The following VPS13A variants were observed in gnomAD, a reference collection of about 807,000 sequenced individuals.
VPS13A encodes intermembrane lipid transfer protein VPS13A.
Under a neutral mutation model 390.9 loss-of-function variants are expected in VPS13A, and 264 were observed. That is an observed-to-expected ratio of 0.68 (90% CI 0.61 to 0.75). The LOEUF is 0.75. Ranked by LOEUF, VPS13A falls within the 30% of genes least tolerant of loss-of-function variation. VPS13A has a pLI of 0.00. For synonymous variants in VPS13A, 1,231 were observed against 1,227.1 expected (o/e 1.00, Z -0.07); for missense variants, 3,409 against 3,733.9 (o/e 0.91, Z 2.27).
At chr9:77,275,368 C>A in intron 24 of VPS13A, 130 bp from the exon 25 acceptor site, 2 of 863,656 alleles carry the variant, frequency 2.3e-6, no homozygotes, top group South Asian at 1.6e-5. Context: ...CTGTTTATTT[C>A]GGTTCTCATG....
chr9:77,405,973 C>A lies in VPS13A; in HGVS notation c.9385C>A (p.Arg3129Ser). 1 of 1,613,642 alleles carries A rather than the reference C, an allele frequency of 6.2e-7. No individual in the cohort carries two copies. The highest frequency in any genetic ancestry group is 8.5e-7 in the Non-Finnish European group (1 of 1,179,924). The part of the protein sequence containing the change: ...EPFIVHGRRL[R>S]IEAKERVKSV... ...ATTCATTGTTCATGGGAGAAGATTG[C>A]GCATTGAAGCAAAGGTATGTTGAAT... The change falls in exon 70 of 72, where the codon CGC (arginine) becomes AGC (serine). Residue 3129 changes from arginine to serine, a missense_variant. Coordinates refer to ENST00000360280, the MANE Select transcript of VPS13A (RefSeq NM_033305.3).
At chr9:77,362,639 G>T (rs992951136) in intron 59 of VPS13A, among the ~76,000 whole-genome samples, 13 of 152,128 alleles carry the variant, frequency 8.5e-5, no homozygotes, top group African/African-American at 3.1e-4. Flanking sequence ...CAACTTGTCA[G>T]GTTCTTCAAA....
intron 23 of VPS13A, 135 bp from the exon 24 acceptor site, chr9:77,273,145 C>T: frequency 6.0e-6 from 4 of 666,442 alleles, no homozygotes; most frequent in South Asian, 4.1e-5. Context: ...TAATTTAAAC[C>T]TGATTATCTT....
chr9:77,359,142 TATAG>T (rs1380967276), intron 57 of VPS13A, among the ~76,000 whole-genome samples, 187 bp from the exon 58 acceptor site: 4 of 152,244 alleles, frequency 2.6e-5, no homozygotes, highest in Non-Finnish European at 5.9e-5. Flanking sequence ...TCAGAGTAAC[TATAG>T]ATAGTTTTAA....
intron 67 of VPS13A, among the ~76,000 whole-genome samples, chr9:77,374,505 G>A (rs147384552): frequency 5.3e-4 from 80 of 152,222 alleles, no homozygotes; most frequent in African/African-American, 1.9e-3. Flanking sequence ...GGACAAAGCA[G>A]GGTGGCAAGA....
At chr9:77,414,621 G>A (rs374450033) in intron 71 of VPS13A, among the ~76,000 whole-genome samples, 2 of 151,974 alleles carry the variant, frequency 1.3e-5, no homozygotes, top group Admixed American at 6.6e-5. Flanking sequence ...GATAGCATTA[G>A]GAGATATACC....
chr9:77,384,598 A>G (rs1563980912), intron 68 of VPS13A: 1 of 1,611,400 alleles, frequency 6.2e-7, no homozygotes, highest in Non-Finnish European at 8.5e-7. Flanking sequence ...ATTCAATTCT[A>G]CAGGGAGTGG....
chr9:77,186,921 G>A (rs1247395413), intron 1 of VPS13A, among the ~76,000 whole-genome samples: 4 of 152,014 alleles, frequency 2.6e-5, no homozygotes, highest in South Asian at 2.1e-4. Flanking sequence ...CCCAGTAACC[G>A]TTATTCTACT....
intron 61 of VPS13A, 62 bp from the exon 62 acceptor site, chr9:77,367,990 CATT>C: frequency 4.4e-6 from 6 of 1,353,368 alleles, no homozygotes; most frequent in Non-Finnish European, 5.2e-6. Context: ...TAAAGCCACT[CATT>C]AATATTAAAA....
rs765517258 is a variant in VPS13A, at chr9:77,339,493, T to G, written c.6379-23T>G. On this transcript the variant is annotated intron_variant, in intron 47 of 71. Coordinates refer to ENST00000360280, the MANE Select transcript of VPS13A (RefSeq NM_033305.3). Reference sequence around the variant, plus strand: ...TTCTGCAACATTTTAAATTTTGTTTTGTTTTTTTTTTTTTTATTACAGGGA... The same window carrying G: ...TTCTGCAACATTTTAAATTTTGTTTGGTTTTTTTTTTTTTTATTACAGGGA... The G allele has an allele frequency of 2.1e-5, 27 of 1,266,948 alleles. No homozygotes were observed. In the South Asian group the frequency reaches 3.2e-4, roughly 15 times the overall value. The allele number at this position is 1,266,948 out of a possible 1,614,324, so 78.5% of individuals were successfully genotyped here. A position where few individuals can be genotyped will look rare whatever the true frequency, so the allele number is the denominator to read the frequency against.
At chr9:77,308,534 G>A (rs984735576) in intron 35 of VPS13A, among the ~76,000 whole-genome samples, 1 of 152,102 alleles carries the variant, frequency 6.6e-6, no homozygotes, top group Admixed American at 6.6e-5. Flanking sequence ...TATTAGAGGT[G>A]CAAAGAGAGG....
At chr9:77,313,606 T>C (rs1485510718) in intron 35 of VPS13A, among the ~76,000 whole-genome samples, 4 of 152,228 alleles carry the variant, frequency 2.6e-5, no homozygotes, top group Non-Finnish European at 5.9e-5. Context: ...AAAATGTCTC[T>C]TGGTTTTAGT....
rs1833457768 is a variant in VPS13A, at chr9:77,381,894, TG to T, written c.9078-81del. 21 of 861,512 alleles carry T rather than the reference TG, an allele frequency of 2.4e-5. No homozygotes were observed. The South Asian group carries it at 3.3e-4, about 14-fold the overall frequency. The allele number at this position is 861,512 out of a possible 1,614,324, so 53.4% of individuals were successfully genotyped here. On this transcript the variant is annotated intron_variant, in intron 67 of 71. Coordinates refer to ENST00000360280, the MANE Select transcript of VPS13A (RefSeq NM_033305.3). ...TAATATTTTTAATCTGAAATAAGAT[TG>T]TTTTTAGTAATTGCATTTTATAGTT... is the stretch of plus-strand genomic sequence containing the variant.
chr9:77,248,646 A>T (rs1824971703), intron 20 of VPS13A, among the ~76,000 whole-genome samples: 1 of 152,142 alleles, frequency 6.6e-6, no homozygotes, highest in Non-Finnish European at 1.5e-5. Context: ...TATTTAAATT[A>T]ATTAGAATTA....
In VPS13A at chr9:77,314,042, C is replaced by G. The variant is rs369933972; in HGVS notation, c.4165C>G (p.Leu1389Val). The G allele has an allele frequency of 2.4e-5, 38 of 1,613,334 alleles. No individual in the cohort carries two copies. Among genetic ancestry groups the G allele is most frequent in the Non-Finnish European group, 3.1e-5 (36 of 1,179,580 alleles). ...GGTAGAAGTACATTCACGTGCCTTA[C>G]TAGTTAAGACAACACTAAACATAAG... ...AVVEVHSRAL[L>V]VKTTLNISFK... Residue 1389 changes from leucine to valine, a missense_variant, in exon 36 of 72, where the codon CTA becomes GTA. By Grantham distance (32) the Leu-to-Val change is conservative. This residue lies in a region of VPS13A where 2,717 missense variants were observed against 2,917.4 expected (regional missense o/e 0.93). Coordinates refer to ENST00000360280, the MANE Select transcript of VPS13A (RefSeq NM_033305.3).
Position 77,340,287 on chromosome 9 carries a change from G to GTTT in VPS13A, c.6879+7_6879+8insTTT, listed in dbSNP as rs1337510689. 33 of 1,611,872 alleles carry GTTT rather than the reference G, an allele frequency of 2.0e-5. No individual in the cohort carries two copies. The highest frequency in any genetic ancestry group is 2.7e-5 in the Non-Finnish European group (32 of 1,178,562). On this transcript the variant is annotated splice_donor_region_variant and intron_variant, in intron 49 of 71. Coordinates refer to ENST00000360280, the MANE Select transcript of VPS13A (RefSeq NM_033305.3). The stretch of plus-strand genomic sequence containing the variant: ...GGCCTGAAAATGGACTATCAAGTGA[G>GTTT]TTCATTCTATGCTTATCAAGAAACT...
chr9:77,314,291 TTATC>T (rs1829254909), intron 36 of VPS13A, among the ~76,000 whole-genome samples, 172 bp downstream of exon 36: 1 of 152,140 alleles, frequency 6.6e-6, no homozygotes, highest in Admixed American at 6.6e-5. Context: ...TTTAAATGAG[TTATC>T]TATCATATAG....
At chr9:77,259,088 G>A (rs1450535284) in intron 22 of VPS13A, among the ~76,000 whole-genome samples, 4 of 152,106 alleles carry the variant, frequency 2.6e-5, no homozygotes, top group African/African-American at 9.7e-5. Flanking sequence ...AATCTTAGAA[G>A]TTATTTGGTT....
intron 54 of VPS13A, among the ~76,000 whole-genome samples, chr9:77,355,636 G>A (rs151259014): frequency 8.1e-4 from 124 of 152,266 alleles, no homozygotes; most frequent in Admixed American, 4.3e-3. Context: ...AACTTCATAT[G>A]TGTACACTAA....
Sources: gnomAD v4.1 joint callset for allele counts (sites outside exome capture counted in the v4.1 genomes callset) on GRCh38, gnomAD v4.1.1 for gene constraint, gnomAD v4.1.1 regional missense constraint, MANE v1.5 for transcripts, NCBI Gene and HGNC (gene_info 2026-07-23, HGNC 2026-07-21) for gene names.